Variants in FBXO28 observed in about 807,000 individuals in gnomAD.
The protein encoded by FBXO28 is F-box only protein 28.
In FBXO28, 8 loss-of-function variants were observed where a neutral mutation model predicts 38.1. That is an observed-to-expected ratio of 0.21 (90% CI 0.12 to 0.38). FBXO28 has a LOEUF of 0.38. Ranked by LOEUF, FBXO28 falls within the 10% of genes least tolerant of loss-of-function variation. The pLI is 1.00. For synonymous variants in FBXO28, 168 were observed against 173.8 expected (o/e 0.97, Z 0.26); for missense variants, 345 against 460.6 (o/e 0.75, Z 2.30).
intron 3 of FBXO28, among the ~76,000 whole-genome samples, chr1:224,138,953 T>G (rs916423885): frequency 6.6e-6 from 1 of 151,616 alleles, no homozygotes; most frequent in Non-Finnish European, 1.5e-5. Context: ...AGCTAAGTTT[T>G]TTTGTATTTT....
chr1:224,157,869 A>G lies in FBXO28; in HGVS notation c.*123A>G. The G allele has an allele frequency of 6.9e-7, 1 of 1,443,552 alleles. No individual in the cohort carries two copies. Among genetic ancestry groups the G allele is most frequent in the Non-Finnish European group, 9.1e-7 (1 of 1,103,884 alleles). The allele number at this position is 1,443,552 out of a possible 1,614,324, so 89.4% of individuals were successfully genotyped here. ...TTCTAGGCTTTCAGAACACAACTTA[A>G]ACTTGAACTCTTATGGTTGGGACAT... On this transcript the variant is annotated 3_prime_UTR_variant, in exon 5 of 5. Coordinates refer to ENST00000366862, the MANE Select transcript of FBXO28 (RefSeq NM_015176.4).
intron 1 of FBXO28, among the ~76,000 whole-genome samples, chr1:224,126,897 G>A (rs980668785): frequency 6.6e-6 from 1 of 152,060 alleles, no homozygotes; most frequent in Non-Finnish European, 1.5e-5. Flanking sequence ...TTCCCCAGAG[G>A]CACCACTTTC....
chr1:224,139,926 C>CT (rs1406129295), intron 3 of FBXO28, among the ~76,000 whole-genome samples: 1 of 151,464 alleles, frequency 6.6e-6, no homozygotes, highest in South Asian at 2.1e-4. Flanking sequence ...ACCCCCGTCT[C>CT]TAAAAAAAAA....
chr1:224,145,187 C>T (rs1046942317), intron 3 of FBXO28, among the ~76,000 whole-genome samples: 6 of 144,928 alleles, frequency 4.1e-5, no homozygotes, highest in Admixed American at 2.9e-4. Flanking sequence ...TCCAGCTACT[C>T]GGAGGCTGAG....
At chr1:224,154,545 A>T (rs1053926103) in intron 4 of FBXO28, among the ~76,000 whole-genome samples, 2 of 152,040 alleles carry the variant, frequency 1.3e-5, no homozygotes, top group African/African-American at 4.8e-5. Context: ...GCGGTGGCTC[A>T]TGCCTGTAAT....
chr1:224,117,864 C>A (rs1656677752), intron 1 of FBXO28, among the ~76,000 whole-genome samples: 1 of 151,716 alleles, frequency 6.6e-6, no homozygotes, highest in South Asian at 2.1e-4. Context: ...AAAAAATTAG[C>A]CAGGCGTGGT....
Position 224,158,294 on chromosome 1 carries a change from AG to A in FBXO28, c.*549del. The A allele has an allele frequency of 1.2e-6, 1 of 835,320 alleles. No individual in the cohort carries two copies. Among genetic ancestry groups the A allele is most frequent in the Non-Finnish European group, 1.4e-6 (1 of 692,998 alleles). 51.7% of individuals were successfully genotyped at this position (835,320 alleles called of 1,614,324 possible). ...AATGGACTTCCATAGTATTGACTGT[AG>A]AAGGAGCCTCTACAATATTGACTAT... On this transcript the variant is annotated 3_prime_UTR_variant, in exon 5 of 5. Coordinates refer to ENST00000366862, the MANE Select transcript of FBXO28 (RefSeq NM_015176.4).
chr1:224,114,128 A>G lies in FBXO28; in HGVS notation c.-2A>G, dbSNP rs935864073. 2 of 1,538,216 alleles carry G rather than the reference A, an allele frequency of 1.3e-6. No homozygotes were observed. The highest frequency in any genetic ancestry group is 8.8e-7 in the Non-Finnish European group (1 of 1,141,222). On this transcript the variant is annotated 5_prime_UTR_variant, in exon 1 of 5. Transcript: ENST00000366862. ...GTGGGGGTAAGGAATCAAGCCCCCA[A>G]GATGGCGGCAGCGGCGGAGGAGCGG...
intron 3 of FBXO28, among the ~76,000 whole-genome samples, chr1:224,140,149 A>G (rs974005122): frequency 3.3e-5 from 5 of 152,198 alleles, no homozygotes; most frequent in African/African-American, 9.7e-5. Context: ...AGTTGGAGAC[A>G]CTGTGCTCCT....
chr1:224,153,461 T>C (rs945136595), intron 4 of FBXO28, 124 bp downstream of exon 4: 1 of 645,084 alleles, frequency 1.6e-6, no homozygotes, highest in Admixed American at 3.2e-5. Flanking sequence ...TCATTTTTAA[T>C]GAGATTGGAT....
chr1:224,157,602 A>G lies in FBXO28; in HGVS notation c.963A>G (p.Glu321=). ...GEQNARLAEL[E]RKLREVMESA... is the part of the protein sequence containing the mutation. Reference sequence around the variant, plus strand: ...AAAATGCACGGTTGGCAGAGCTAGAACGCAAACTACGAGAAGTAATGGAAA... The same window carrying G: ...AAAATGCACGGTTGGCAGAGCTAGAGCGCAAACTACGAGAAGTAATGGAAA... Residue 321 remains glutamate (E), a synonymous_variant, in exon 5 of 5, where the codon GAA becomes GAG. Transcript: ENST00000366862. 1 of 1,614,268 alleles carries G rather than the reference A, an allele frequency of 6.2e-7. No individual in the cohort carries two copies. Among genetic ancestry groups the G allele is most frequent in the South Asian group, 1.1e-5 (1 of 91,088 alleles).
Position 224,152,925 on chromosome 1 carries a change from C to CA in FBXO28, c.517-189dup, listed in dbSNP as rs57616453. On this transcript the variant is annotated intron_variant, in intron 3 of 4. Coordinates refer to ENST00000366862, the MANE Select transcript of FBXO28 (RefSeq NM_015176.4). ...TTGGGCAACGAGTGAAACTCTGTCT[C>CA]AAAAAAAAAAAAAAAAAAAAAAAAA... Among the ~76,000 whole-genome samples the CA allele has an allele frequency of 2.3e-3, 150 of 64,906 alleles. 8 individuals are homozygous for CA. The highest frequency in any genetic ancestry group is 8.7e-3 in the African/African-American group (134 of 15,472). The allele number at this position is 64,906 out of a possible 152,430, so 42.6% of individuals were successfully genotyped here. A position where few individuals can be genotyped will look rare whatever the true frequency, so the allele number is the denominator to read the frequency against.
rs1297522203 is a variant in FBXO28, at chr1:224,157,355, C to T, written c.716C>T (p.Pro239Leu). The T allele has an allele frequency of 2.5e-6, 4 of 1,603,560 alleles. No individual in the cohort carries two copies. The highest frequency in any genetic ancestry group is 3.4e-6 in the Non-Finnish European group (4 of 1,174,454). The change falls in exon 5 of 5, where the codon CCA (proline) becomes CTA (leucine). Residue 239 changes from proline (P) to leucine (L), a missense_variant. This residue lies in a region of FBXO28 where 151 missense variants were observed against 188.3 expected (regional missense o/e 0.80). Coordinates refer to ENST00000366862, the MANE Select transcript of FBXO28 (RefSeq NM_015176.4). ...SGRLMGSPPV[P>L]GPSAALTTMQ... is the part of the protein sequence containing the mutation. ...CTTTTGAATTATTCCTCCACAGTTCCAGGACCGTCTGCAGCCCTAACAACA... is the reference window on the plus strand; with the variant it reads ...CTTTTGAATTATTCCTCCACAGTTCTAGGACCGTCTGCAGCCCTAACAACA...
At chr1:224,146,636 C>G (rs1372716989) in intron 3 of FBXO28, among the ~76,000 whole-genome samples, 2 of 151,398 alleles carry the variant, frequency 1.3e-5, no homozygotes, top group Admixed American at 1.3e-4. Flanking sequence ...CTTGGCCTCT[C>G]AAAGTGCTGA....
intron 3 of FBXO28, among the ~76,000 whole-genome samples, chr1:224,138,814 A>G (rs897731330): frequency 1.3e-5 from 2 of 151,440 alleles, no homozygotes; most frequent in African/African-American, 2.4e-5. Context: ...GCCTAGACTC[A>G]AGCAATCCAC....
At chr1:224,121,653 G>A (rs1197627513) in intron 1 of FBXO28, among the ~76,000 whole-genome samples, 1 of 151,924 alleles carries the variant, frequency 6.6e-6, no homozygotes, top group Admixed American at 6.6e-5. Context: ...CCACACTTGG[G>A]CAAATAGAAC....
At chr1:224,115,040 A>G (rs1020339784) in intron 1 of FBXO28, among the ~76,000 whole-genome samples, 1 of 151,956 alleles carries the variant, frequency 6.6e-6, no homozygotes, top group African/African-American at 2.4e-5. Flanking sequence ...CCTCATCCTA[A>G]CGCTTCCCAC....
rs1657880986 is a variant in FBXO28 at position 224,160,510 on chromosome 1, C to T, written c.*2764C>T. On this transcript the variant is annotated 3_prime_UTR_variant, in exon 5 of 5. Transcript: ENST00000366862. ...GAGACAGAAACGGCTGACCTTACCCCACCCCAGCCGGATCCTCTGCTTATC... is the reference window on the plus strand; with the variant it reads ...GAGACAGAAACGGCTGACCTTACCCTACCCCAGCCGGATCCTCTGCTTATC... The T allele has an allele frequency of 6.6e-6, 1 of 152,170 alleles. No individual in the cohort carries two copies. The highest frequency in any genetic ancestry group is 1.5e-5 in the Non-Finnish European group (1 of 68,042). 9.4% of individuals were successfully genotyped at this position (152,170 alleles called of 1,614,324 possible). A position where few individuals can be genotyped will look rare whatever the true frequency, so the allele number is the denominator to read the frequency against.
At chr1:224,126,096 C>T (rs1455217415) in intron 1 of FBXO28, among the ~76,000 whole-genome samples, 4 of 152,168 alleles carry the variant, frequency 2.6e-5, no homozygotes, top group Non-Finnish European at 4.4e-5. Context: ...TTACATCTAA[C>T]TTAGCAATCT....
Sources: gnomAD v4.1 joint callset for allele counts (sites outside exome capture counted in the v4.1 genomes callset) on GRCh38, gnomAD v4.1.1 for gene constraint, gnomAD v4.1.1 regional missense constraint, MANE v1.5 for transcripts, NCBI Gene and HGNC (gene_info 2026-07-23, HGNC 2026-07-21) for gene names.